The following GUCY2C variants were observed in gnomAD, a reference collection of about 807,000 sequenced individuals.
The protein encoded by GUCY2C is guanylyl cyclase C.
In GUCY2C, 118 loss-of-function variants were observed where a neutral mutation model predicts 131.1. That is an observed-to-expected ratio of 0.90 (90% CI 0.78 to 1.05). GUCY2C has a LOEUF of 1.05. GUCY2C is among the 50% of genes least tolerant of loss of function. The pLI, the probability that GUCY2C is intolerant of heterozygous loss-of-function variation, is 0.00. For synonymous variants in GUCY2C, 452 were observed against 457.8 expected (o/e 0.99, Z 0.16); for missense variants, 1,161 against 1,304.4 (o/e 0.89, Z 1.69).
In GUCY2C at chr12:14,651,408, C is replaced by T. The variant is rs201766969; in HGVS notation, c.1709G>A (p.Arg570Gln). ...VIEYCERGSLREVLNDTISYP... is the reference protein window; with the variant it reads ...VIEYCERGSLQEVLNDTISYP... ...TTGGAAATGACCATGGTTTCTTACC[C>T]GGAGGGATCCTCTCTCACAGTATTC... The change falls in exon 15 of 27, where the codon CGG becomes CAG. Residue 570 changes from arginine (R) to glutamine (Q), a missense_variant and splice_region_variant. Arg to Gln is a conservative substitution (Grantham distance 43, BLOSUM62 1). Transcript: ENST00000261170. The T allele has an allele frequency of 1.8e-5, 26 of 1,451,682 alleles. No homozygotes were observed. The highest frequency in any genetic ancestry group is 4.2e-5 in the African/African-American group (3 of 71,800). The allele number at this position is 1,451,682 out of a possible 1,614,324, so 89.9% of individuals were successfully genotyped here.
In GUCY2C at chr12:14,696,306, G is replaced by C. The variant is rs144941598; in HGVS notation, c.143C>G (p.Ala48Gly). ...SVLMMGNSAF[A>G]EPLKNLEDAV... ...ATCTTCCAAGTTTTTCAGGGGCTCT[G>C]CAAAGGCTGAGTTGCCCATCATCAG... Residue 48 changes from alanine (A) to glycine (G), a missense_variant, in exon 1 of 27, where the codon GCA (alanine) becomes GGA (glycine). Transcript: ENST00000261170. 5.8e-5 allele frequency: 94 copies of C among 1,614,002 alleles called. No homozygotes were observed. In the African/African-American group the frequency reaches 1.1e-3, roughly 19 times the overall value.
chr12:14,695,600 CA>C (rs557450619), intron 1 of GUCY2C, among the ~76,000 whole-genome samples: 3,235 of 58,560 alleles, frequency 0.055, 32 homozygotes, highest in African/African-American at 0.088. Context: ...GACTCCATCT[CA>C]AAAAAAAAAA....
intron 1 of GUCY2C, among the ~76,000 whole-genome samples, chr12:14,695,619 AAG>A (rs1491052641): frequency 6.6e-6 from 1 of 151,472 alleles, no homozygotes; most frequent in Non-Finnish European, 1.5e-5. Flanking sequence ...AAAAAAAAAA[AAG>A]AGTGAACAGG....
At chr12:14,687,825 C>A in intron 2 of GUCY2C, 126 bp downstream of exon 2, 1 of 637,026 alleles carries the variant, frequency 1.6e-6, no homozygotes, top group Admixed American at 2.5e-5. Context: ...TGGTACTCGG[C>A]CACTCATTCA....
intron 13 of GUCY2C, 128 bp downstream of exon 13, chr12:14,652,824 G>T: frequency 1.4e-6 from 1 of 739,880 alleles, no homozygotes; most frequent in Non-Finnish European, 2.5e-6. Context: ...GAAGCTCTAA[G>T]AATAGCCCCT....
In GUCY2C at chr12:14,682,773, T is replaced by C. The variant is rs115182403; in HGVS notation, c.611+269A>G. 3.9e-3 allele frequency among the ~76,000 whole-genome samples: 587 copies of C among 152,364 alleles called. 9 individuals carry two copies. The highest frequency in any genetic ancestry group is 0.013 in the African/African-American group (554 of 41,588). ...TATTACTTGTTTTATTTTCTTCAGA[T>C]AACGTACTGCAGGAAATCAATAAAA... On this transcript the variant is annotated intron_variant, in intron 4 of 26. Coordinates refer to ENST00000261170, the MANE Select transcript of GUCY2C (RefSeq NM_004963.4).
intron 20 of GUCY2C, among the ~76,000 whole-genome samples, chr12:14,627,922 C>A (rs1327235906): frequency 6.6e-6 from 1 of 152,148 alleles, no homozygotes; most frequent in Non-Finnish European, 1.5e-5. Flanking sequence ...GTATCTGAGT[C>A]TTTTGACCTA....
At chr12:14,679,897 T>A (rs1172741299) in intron 5 of GUCY2C, 144 bp from the exon 6 acceptor site, 5 of 3,078 alleles carry the variant, frequency 1.6e-3, no homozygotes, top group Non-Finnish European at 4.6e-3. Flanking sequence ...TCCTCCTTCC[T>A]TTTTTTTTTT....
At chr12:14,634,650 A>G (rs933065727) in intron 19 of GUCY2C, among the ~76,000 whole-genome samples, 1 of 152,252 alleles carries the variant, frequency 6.6e-6, no homozygotes, top group African/African-American at 2.4e-5. Context: ...AAAATTTTTC[A>G]CTTAAAAGAT....
intron 19 of GUCY2C, among the ~76,000 whole-genome samples, chr12:14,630,314 C>T (rs1947115103): frequency 6.6e-6 from 1 of 152,000 alleles, no homozygotes; most frequent in Admixed American, 6.6e-5. Context: ...GGTAAGTCAT[C>T]TGCTGACTAC....
At chr12:14,664,104 T>C (rs1947921850) in intron 10 of GUCY2C, among the ~76,000 whole-genome samples, 1 of 152,222 alleles carries the variant, frequency 6.6e-6, no homozygotes, top group Admixed American at 6.5e-5. Context: ...TTACCTTGTT[T>C]TGTGTTCATG....
chr12:14,654,930 T>C (rs1307250296), intron 12 of GUCY2C, among the ~76,000 whole-genome samples: 1 of 152,220 alleles, frequency 6.6e-6, no homozygotes, highest in African/African-American at 2.4e-5. Flanking sequence ...TAACTTAGTA[T>C]ACAGACAAAC....
At position 14,683,325 on chromosome 12, in the gene GUCY2C, CTT is replaced by C. The variant is rs1948389600; in HGVS notation, c.396-70_396-69del. 3.2e-6 allele frequency: 3 copies of C among 937,362 alleles called. No homozygotes were observed. In the South Asian group the frequency reaches 4.2e-5, roughly 13 times the overall value. 58.1% of individuals were successfully genotyped at this position (937,362 alleles called of 1,614,324 possible). A position where few individuals can be genotyped will look rare whatever the true frequency, so the allele number is the denominator to read the frequency against. The stretch of plus-strand genomic sequence containing the variant: ...CTTAAGTAGCACAAATAAGATCCCT[CTT>C]TAACCTGTTTCAGCATGTATGTATA... On this transcript the variant is annotated intron_variant, in intron 3 of 26. Coordinates refer to ENST00000261170, the MANE Select transcript of GUCY2C (RefSeq NM_004963.4).
At chr12:14,620,796 C>T (rs1046388778) in intron 23 of GUCY2C, among the ~76,000 whole-genome samples, 4 of 152,100 alleles carry the variant, frequency 2.6e-5, no homozygotes, top group South Asian at 4.2e-4. Context: ...TTCTTGTTTT[C>T]GTACATGTTT....
intron 15 of GUCY2C, among the ~76,000 whole-genome samples, chr12:14,649,328 A>T (rs1592110875): frequency 6.6e-6 from 1 of 152,246 alleles, no homozygotes; most frequent in South Asian, 2.1e-4. Context: ...TATAATTCCC[A>T]TAGAAAGAAT....
intron 15 of GUCY2C, among the ~76,000 whole-genome samples, chr12:14,647,109 G>T (rs2137030884): frequency 6.6e-6 from 1 of 152,192 alleles, no homozygotes; most frequent in South Asian, 2.1e-4. Context: ...AGAATGAAAA[G>T]GTCCTATTAT....
At chr12:14,677,392 A>G (rs1948257391) in intron 6 of GUCY2C, among the ~76,000 whole-genome samples, 3 of 152,194 alleles carry the variant, frequency 2.0e-5, no homozygotes, top group Non-Finnish European at 4.4e-5. Context: ...AAACATAAGC[A>G]TAAAAAGACT....
intron 7 of GUCY2C, 84 bp from the exon 8 acceptor site, chr12:14,674,844 G>A (rs1210066115): frequency 2.9e-6 from 3 of 1,048,734 alleles, no homozygotes; most frequent in Admixed American, 2.2e-5. Flanking sequence ...GTTGGGATCA[G>A]CAGGGTTACT....
chr12:14,641,846 A>C (rs1947411466), intron 17 of GUCY2C, among the ~76,000 whole-genome samples: 1 of 152,022 alleles, frequency 6.6e-6, no homozygotes, highest in African/African-American at 2.4e-5. Flanking sequence ...CTGAGGCAGG[A>C]GAATTGCTTG....
Sources: allele counts gnomAD v4.1 joint callset (sites outside exome capture counted in the v4.1 genomes callset), GRCh38; gene constraint gnomAD v4.1.1; transcripts MANE v1.5; gene names NCBI Gene and HGNC (gene_info 2026-07-23, HGNC 2026-07-21).